ZNF521: variants seen among roughly 807,000 people sequenced by gnomAD.
ZNF521 encodes LYST-interacting protein 3.
ZNF521 carries 14 observed loss-of-function variants against 105.5 expected under a neutral mutation model. The ratio of observed to expected loss-of-function variants is 0.13; its 90% CI spans 0.09 to 0.21. The LOEUF (loss-of-function observed/expected upper bound fraction) is 0.21. Among genes scored for constraint, ZNF521 ranks in the 10% least tolerant of loss-of-function variants. The pLI is 1.00. For missense variants in ZNF521, 1,233 were observed against 1,629.7 expected (o/e 0.76, Z 4.19); for synonymous variants, 635 against 606.0 (o/e 1.05, Z -0.70).
At position 25,109,249 on chromosome 18, in the gene ZNF521, C is replaced by T. The variant is rs8082836; in HGVS notation, c.3659-17168G>A. ...GAGTTAGTTCACTTAGGATAATGGTCTCCAGCTCTATCCATGTTGCTGCAA... is the reference window on the plus strand; with the variant it reads ...GAGTTAGTTCACTTAGGATAATGGTTTCCAGCTCTATCCATGTTGCTGCAA... On this transcript the variant is annotated intron_variant, in intron 5 of 7. Coordinates refer to ENST00000361524, the MANE Select transcript of ZNF521 (RefSeq NM_015461.3). 2.9e-3 allele frequency among the ~76,000 whole-genome samples: 443 copies of T among 152,236 alleles called. 3 individuals carry two copies. Among genetic ancestry groups the T allele is most frequent in the African/African-American group, 8.8e-3 (367 of 41,536 alleles).
rs552588639 is a variant in ZNF521, at chr18:25,134,751, C to A, written c.3659-42670G>T. ...GGCCAGCCTCCTCCCCTGGCCACGCCCCAAGGGATCCAGGCACATTCTGAT... is the reference window on the plus strand; with the variant it reads ...GGCCAGCCTCCTCCCCTGGCCACGCACCAAGGGATCCAGGCACATTCTGAT... On this transcript the variant is annotated intron_variant, in intron 5 of 7. Coordinates refer to ENST00000361524, the MANE Select transcript of ZNF521 (RefSeq NM_015461.3). Among the ~76,000 whole-genome samples, 4 of 152,222 alleles carry A rather than the reference C, an allele frequency of 2.6e-5. No individual in the cohort carries two copies. The South Asian group carries it at 6.2e-4, about 24-fold the overall frequency.
intron 5 of ZNF521, among the ~76,000 whole-genome samples, chr18:25,148,442 T>A (rs541187827): frequency 5.9e-5 from 9 of 152,202 alleles, no homozygotes; most frequent in African/African-American, 1.4e-4. Flanking sequence ...CATTGAGTTT[T>A]AAAAAAATTA....
chr18:25,183,371 T>C (rs76021067), intron 5 of ZNF521, among the ~76,000 whole-genome samples: 4,588 of 152,264 alleles, frequency 0.03, 85 homozygotes, highest in South Asian at 0.076. Flanking sequence ...TAGTACTCTA[T>C]GTAATTAATG....
chr18:25,265,745 T>A (rs1369870864), intron 3 of ZNF521, among the ~76,000 whole-genome samples: 4 of 152,210 alleles, frequency 2.6e-5, no homozygotes, highest in Non-Finnish European at 4.4e-5. Context: ...TCATGCTTGC[T>A]GCAGCACTGT....
At chr18:25,147,349 A>T (rs2034964107) in intron 5 of ZNF521, among the ~76,000 whole-genome samples, 1 of 152,210 alleles carries the variant, frequency 6.6e-6, no homozygotes, top group African/African-American at 2.4e-5. Context: ...ATACTTGGCC[A>T]TAAAAATGAA....
At chr18:25,153,411 A>C (rs930488567) in intron 5 of ZNF521, among the ~76,000 whole-genome samples, 1 of 152,156 alleles carries the variant, frequency 6.6e-6, no homozygotes, top group Non-Finnish European at 1.5e-5. Flanking sequence ...TGGTACTGGG[A>C]TAATGAGAAG....
At chr18:25,098,044 G>A (rs1338342783) in intron 5 of ZNF521, among the ~76,000 whole-genome samples, 1 of 152,150 alleles carries the variant, frequency 6.6e-6, no homozygotes, top group Non-Finnish European at 1.5e-5. Flanking sequence ...GGTGGGTAGG[G>A]AGAGGAGAGG....
At chr18:25,216,264 T>C (rs937141580) in intron 4 of ZNF521, among the ~76,000 whole-genome samples, 5 of 152,200 alleles carry the variant, frequency 3.3e-5, no homozygotes, top group African/African-American at 1.2e-4. Context: ...ATAAAAAATA[T>C]TGATTCTAAG....
In ZNF521 at chr18:25,225,331, T is replaced by C; in HGVS notation, c.2587A>G (p.Thr863Ala). 7 of 1,614,196 alleles carry C rather than the reference T, an allele frequency of 4.3e-6. No homozygotes were observed. The highest frequency in any genetic ancestry group is 5.9e-6 in the Non-Finnish European group (7 of 1,180,024). The part of the protein sequence containing the change: ...KEEVELQTLL[T>A]NSQESHNSHD... The stretch of plus-strand genomic sequence containing the variant: ...CTGTTGTGGGACTCCTGGCTGTTGG[T>C]CAGCAAAGTCTGCAGCTCCACTTCC... The change falls in exon 4 of 8, where the codon ACC becomes GCC. Residue 863 changes from threonine to alanine, a missense_variant. This residue lies in a region of ZNF521 where 614 missense variants were observed against 751.5 expected (regional missense o/e 0.82). Coordinates refer to ENST00000361524, the MANE Select transcript of ZNF521 (RefSeq NM_015461.3). This position sits in a 1 kb window ranked among gnomAD's most constrained non-coding sequence, Gnocchi z 5.6.
At position 25,267,794 on chromosome 18, in the gene ZNF521, CA is replaced by C. The variant is rs1204258572; in HGVS notation, c.221-40098del. 3.9e-5 allele frequency among the ~76,000 whole-genome samples: 6 copies of C among 152,082 alleles called. No individual in the cohort carries two copies. The East Asian group carries it at 1.2e-3, about 29-fold the overall frequency. On this transcript the variant is annotated intron_variant, in intron 3 of 7. Transcript: ENST00000361524. ...TCCGAAGGTCACCAACATCAAAGAC[CA>C]AAGGTAGATAAATCCATGAAAATGG... is the stretch of plus-strand genomic sequence containing the variant.
intron 2 of ZNF521, among the ~76,000 whole-genome samples, chr18:25,342,628 C>T (rs1254369495): frequency 1.3e-5 from 2 of 151,168 alleles, no homozygotes; most frequent in Non-Finnish European, 3.0e-5. Flanking sequence ...CGGGGTTTCA[C>T]CGTGTTAGCC....
At position 25,126,013 on chromosome 18, in the gene ZNF521, T is replaced by C. The variant is rs2034532902; in HGVS notation, c.3659-33932A>G. On this transcript the variant is annotated intron_variant, in intron 5 of 7. Coordinates refer to ENST00000361524, the MANE Select transcript of ZNF521 (RefSeq NM_015461.3). ...TCCTCATAAATGTTATGTTTGCCTT[T>C]ATACAGTTTTTAGTTAGGAATTTGG... Among the ~76,000 whole-genome samples, 3 of 152,060 alleles carry C rather than the reference T, an allele frequency of 2.0e-5. No homozygotes were observed. The South Asian group carries it at 6.2e-4, about 31-fold the overall frequency.
At position 25,123,741 on chromosome 18, in the gene ZNF521, A is replaced by G. The variant is rs149970733; in HGVS notation, c.3659-31660T>C. ...ATATAACCTTGACCTACCTTGACCT[A>G]ATGTGCTTTCTATAAGAAACATGAA... On this transcript the variant is annotated intron_variant, in intron 5 of 7. Transcript: ENST00000361524. Among the ~76,000 whole-genome samples, 664 of 152,282 alleles carry G rather than the reference A, an allele frequency of 4.4e-3. 6 individuals carry two copies. The highest frequency in any genetic ancestry group is 8.0e-3 in the Admixed American group (123 of 15,286).
intron 5 of ZNF521, among the ~76,000 whole-genome samples, chr18:25,152,718 T>C (rs572377385): frequency 6.6e-6 from 1 of 152,296 alleles, no homozygotes; most frequent in Non-Finnish European, 1.5e-5. Context: ...CTTGACTACA[T>C]ACATCTTGAA....
chr18:25,299,534 T>C (rs561242526), intron 3 of ZNF521, among the ~76,000 whole-genome samples: 1 of 152,314 alleles, frequency 6.6e-6, no homozygotes, highest in South Asian at 2.1e-4. Context: ...AAAAAACCCC[T>C]AACAGGTTTT....
chr18:25,196,273 C>T (rs764129831), intron 4 of ZNF521, among the ~76,000 whole-genome samples: 2 of 151,558 alleles, frequency 1.3e-5, no homozygotes, highest in Non-Finnish European at 3.0e-5. Context: ...ACATAAATGA[C>T]ATTTTCTTAT....
chr18:25,212,901 C>T (rs1041360632), intron 4 of ZNF521, among the ~76,000 whole-genome samples: 1 of 151,300 alleles, frequency 6.6e-6, no homozygotes, highest in African/African-American at 2.4e-5. Context: ...ATTTGGTACC[C>T]AGCAACTTTG....
chr18:25,099,183 A>C (rs1422870986), intron 5 of ZNF521, among the ~76,000 whole-genome samples: 1 of 152,204 alleles, frequency 6.6e-6, no homozygotes, highest in East Asian at 1.9e-4. Flanking sequence ...AACTCAATAA[A>C]TATTTATTGA....
intron 5 of ZNF521, among the ~76,000 whole-genome samples, chr18:25,143,398 T>C (rs2034887204): frequency 6.6e-6 from 1 of 152,056 alleles, no homozygotes; most frequent in Non-Finnish European, 1.5e-5. Context: ...AGATGAAAAA[T>C]TAAGGAAATA....
Sources: gnomAD v4.1 joint callset for allele counts (sites outside exome capture counted in the v4.1 genomes callset) on GRCh38, gnomAD v4.1.1 for gene constraint, gnomAD v4.1.1 regional missense constraint, Gnocchi (gnomAD v3.1) non-coding constraint, MANE v1.5 for transcripts, NCBI Gene and HGNC (gene_info 2026-07-23, HGNC 2026-07-21) for gene names.